The following PDE10A variants were observed in gnomAD, a reference collection of about 807,000 sequenced individuals.
The protein encoded by PDE10A is phosphodiesterase 10A, also known as cAMP and cAMP-inhibited cGMP 3',5'-cyclic phosphodiesterase 10A.
In PDE10A, 39 loss-of-function variants were observed where a neutral mutation model predicts 97.7. The observed-to-expected ratio is 0.40, with a 90% CI of 0.31 to 0.52. The LOEUF (loss-of-function observed/expected upper bound fraction) is 0.52. Among genes scored for constraint, PDE10A ranks in the 20% least tolerant of loss-of-function variants. PDE10A has a pLI of 0.56. For missense variants in PDE10A, 731 were observed against 1,047.8 expected, an observed-to-expected ratio of 0.70 and a Z score of 4.17; for synonymous variants, 371 against 376.8, an observed-to-expected ratio of 0.98 and a Z score of 0.18.
chr6:165,705,018 T>C (rs1050367643), intron 1 of PDE10A, among the ~76,000 whole-genome samples: 1 of 152,202 alleles, frequency 6.6e-6, no homozygotes. Context: ...GCTGTCCCTG[T>C]TTGCCATGTC....
At chr6:165,892,265 C>CACAGGAGGAGGTCATGGACA (rs1781824650) in intron 1 of PDE10A, among the ~76,000 whole-genome samples, 1 of 152,132 alleles carries the variant, frequency 6.6e-6, no homozygotes, top group African/African-American at 2.4e-5. Context: ...GTTCGGGTGA[C>CACAGGAGGAGGTCATGGACA]ACAGGAGGAG....
intron 3 of PDE10A, among the ~76,000 whole-genome samples, chr6:165,472,332 C>T (rs1005876582): frequency 1.3e-5 from 2 of 151,880 alleles, no homozygotes; most frequent in Non-Finnish European, 2.9e-5. Flanking sequence ...ATTAATATTC[C>T]CTTTCTCATT....
At chr6:165,846,490 G>A (rs1456785196) in intron 1 of PDE10A, among the ~76,000 whole-genome samples, 1 of 152,254 alleles carries the variant, frequency 6.6e-6, no homozygotes, top group East Asian at 1.9e-4. Flanking sequence ...CCTCAGGCCA[G>A]GGGCCAAGAA....
chr6:165,332,135 CATT>C lies in PDE10A; in HGVS notation c.*887_*889del, dbSNP rs1364191289. 1.3e-5 allele frequency: 2 copies of C among 152,076 alleles called. No individual in the cohort carries two copies. Among genetic ancestry groups the C allele is most frequent in the African/African-American group, 4.8e-5 (2 of 41,398 alleles). 9.4% of individuals were successfully genotyped at this position (152,076 alleles called of 1,614,324 possible). A position where few individuals can be genotyped will look rare whatever the true frequency, so the allele number is the denominator to read the frequency against. On this transcript the variant is annotated 3_prime_UTR_variant, in exon 22 of 22. Coordinates refer to ENST00000539869, the MANE Select transcript of PDE10A (RefSeq NM_001385079.1). The stretch of plus-strand genomic sequence containing the variant: ...ACACAAAGTGAAAATATAAAGGAAT[CATT>C]ATGAAAAATGTACCCTTCGTATCCA...
At chr6:165,806,262 C>T (rs938927540) in intron 1 of PDE10A, among the ~76,000 whole-genome samples, 2 of 152,002 alleles carry the variant, frequency 1.3e-5, no homozygotes, top group African/African-American at 4.8e-5. Flanking sequence ...TGGAAACCCC[C>T]GACAGAGAAT....
intron 1 of PDE10A, among the ~76,000 whole-genome samples, chr6:165,838,845 A>C (rs554554878): frequency 3.9e-5 from 6 of 152,324 alleles, no homozygotes; most frequent in Admixed American, 1.3e-4. Context: ...TAGACTGGCA[A>C]CTGGCACTAC....
chr6:165,400,909 A>G (rs1786611380), intron 13 of PDE10A, among the ~76,000 whole-genome samples: 1 of 152,204 alleles, frequency 6.6e-6, no homozygotes, highest in South Asian at 2.1e-4. Context: ...CGTACACAAC[A>G]CCAGCAATGA....
At chr6:165,987,917 C>T in exon 1 of PDE10A, 1 of 372,770 alleles carries the variant, frequency 2.7e-6, no homozygotes, top group Non-Finnish European at 5.3e-6. Context: ...AAGCTCCCAG[C>T]AGCAGCAACT....
At chr6:165,378,026 C>G (rs1784718293) in intron 18 of PDE10A, among the ~76,000 whole-genome samples, 1 of 152,186 alleles carries the variant, frequency 6.6e-6, no homozygotes, top group Non-Finnish European at 1.5e-5. Context: ...TCAAGCTCTA[C>G]AAAATCTGGA....
At position 165,726,538 on chromosome 6, in the gene PDE10A, G is replaced by A. The variant is rs1582999573; in HGVS notation, c.-614-182970C>T. On this transcript the variant is annotated intron_variant, in intron 1 of 19. Transcript: ENST00000366882. ...ACGGGTGCCGAGCACCGGGGGAGAG[G>A]AGAGCCACGATGCCCGAGGAGAGCC... is the stretch of plus-strand genomic sequence containing the variant. Among the ~76,000 whole-genome samples, 3 of 150,754 alleles carry A rather than the reference G, an allele frequency of 2.0e-5. No individual in the cohort carries two copies. In the South Asian group the frequency reaches 6.2e-4, roughly 31 times the overall value.
chr6:165,598,886 G>A (rs1280249268), intron 1 of PDE10A, among the ~76,000 whole-genome samples: 4 of 152,144 alleles, frequency 2.6e-5, no homozygotes, highest in Admixed American at 6.5e-5. Flanking sequence ...GCAAGATGAG[G>A]GGACGGGGTC....
intron 9 of PDE10A, among the ~76,000 whole-genome samples, chr6:165,428,911 C>T (rs1435809515): frequency 6.6e-6 from 1 of 151,486 alleles, no homozygotes; most frequent in African/African-American, 2.4e-5. Flanking sequence ...TATGATTGAC[C>T]TCAGCATGAG....
Position 165,662,231 on chromosome 6 carries a change from AGCCGCCGCCGCCCGCCGCCGCT to A in PDE10A, c.559_580del (p.Gly188SerfsTer87), listed in dbSNP as rs1020559865. 2.2e-5 allele frequency: 4 copies of A among 180,790 alleles called. 1 individual carries two copies. Among genetic ancestry groups the A allele is most frequent in the African/African-American group, 9.8e-5 (4 of 40,868 alleles). 11.2% of individuals were successfully genotyped at this position (180,790 alleles called of 1,614,324 possible). On this transcript the variant is annotated frameshift_variant, in exon 1 of 22. Coordinates refer to ENST00000539869, the MANE Select transcript of PDE10A (RefSeq NM_001385079.1). LOFTEE classifies it high-confidence loss of function. ...GCCCTGGAGCGCAGGCGAGAGGAAG[AGCCGCCGCCGCCCGCCGCCGCT>A]GCCACCGCCGCCGCGGTGACTACTG...
In PDE10A at chr6:165,981,133, A is replaced by G. The variant is rs1275414423; in HGVS notation, c.-615+6396T>C. 2.6e-5 allele frequency among the ~76,000 whole-genome samples: 4 copies of G among 152,294 alleles called. No homozygotes were observed. The South Asian group carries it at 6.2e-4, about 24-fold the overall frequency. On this transcript the variant is annotated intron_variant, in intron 1 of 19. Coordinates refer to the PDE10A transcript ENST00000366882. ...CAGACATATAAATGTAGGTAAATATAGGCCATTTACAACATAAAGAAGAGT... is the reference window on the plus strand; with the variant it reads ...CAGACATATAAATGTAGGTAAATATGGGCCATTTACAACATAAAGAAGAGT...
rs1781110270 is a variant in PDE10A at position 165,327,523 on chromosome 6, C to T, written c.*5502G>A. ...AATTATGAATTTATTTACAACTTGC[C>T]TAGATTATAATAAATGATTACTGTT... On this transcript the variant is annotated 3_prime_UTR_variant, in exon 22 of 22. Coordinates refer to ENST00000539869, the MANE Select transcript of PDE10A (RefSeq NM_001385079.1). 6.6e-6 allele frequency: 1 copy of T among 151,992 alleles called. No individual in the cohort carries two copies. The allele number at this position is 151,992 out of a possible 1,614,324, so 9.4% of individuals were successfully genotyped here.
chr6:165,391,782 A>AATAGGATGGAAAAGG (rs1336673336), intron 16 of PDE10A, among the ~76,000 whole-genome samples: 2 of 152,204 alleles, frequency 1.3e-5, no homozygotes, highest in Non-Finnish European at 2.9e-5. Context: ...AATTTGGTCC[A>AATAGGATGGAAAAGG]ATAGGATGGA....
rs1784383726 is a variant in PDE10A at position 165,962,250 on chromosome 6, AC to A, written c.-615+25278del. On this transcript the variant is annotated intron_variant, in intron 1 of 19. Coordinates refer to the PDE10A transcript ENST00000366882. ...TTAATCCATATCACAGGACTCAGAG[AC>A]CTCAGGGGCCCCACTACAGGGAAGC... Among the ~76,000 whole-genome samples the A allele has an allele frequency of 2.0e-5, 3 of 152,162 alleles. No homozygotes were observed. In the South Asian group the frequency reaches 6.2e-4, roughly 32 times the overall value.
chr6:165,853,491 A>G (rs1780628761), intron 1 of PDE10A, among the ~76,000 whole-genome samples: 3 of 152,170 alleles, frequency 2.0e-5, no homozygotes, highest in Non-Finnish European at 2.9e-5. Context: ...ATTCATCTTT[A>G]TATCAGAGTC....
rs1784323907 is a variant in PDE10A at position 165,557,672 on chromosome 6, G to A, written c.866-14104C>T. Among the ~76,000 whole-genome samples, 4 of 152,032 alleles carry A rather than the reference G, an allele frequency of 2.6e-5. No individual in the cohort carries two copies. The South Asian group carries it at 8.3e-4, about 32-fold the overall frequency. ...CAAATATACCTTCTTGAAAATGTTT[G>A]ATTATCAATTCACCCAAGAATTTTT... On this transcript the variant is annotated intron_variant, in intron 1 of 21. Transcript: ENST00000539869.
Sources: gnomAD v4.1 joint callset for allele counts (sites outside exome capture counted in the v4.1 genomes callset) on GRCh38, gnomAD v4.1.1 for gene constraint, MANE v1.5 for transcripts, NCBI Gene and HGNC (gene_info 2026-07-23, HGNC 2026-07-21) for gene names.